The following SHC4 variants were observed in gnomAD, a reference collection of about 807,000 sequenced individuals.
The protein encoded by SHC4 is SHC adaptor protein 4.
In SHC4, 41 loss-of-function variants were observed where a neutral mutation model predicts 69.4. The ratio of observed to expected loss-of-function variants is 0.59; its 90% CI spans 0.46 to 0.77. The LOEUF is 0.77. Among genes scored for constraint, SHC4 ranks in the 30% least tolerant of loss-of-function variants. The pLI is 0.00. For missense variants in SHC4, 777 were observed against 783.8 expected (o/e 0.99, Z 0.10); for synonymous variants, 318 against 299.3 (o/e 1.06, Z -0.64).
At chr15:48,908,378 C>A (rs906744500) in intron 2 of SHC4, among the ~76,000 whole-genome samples, 3 of 152,056 alleles carry the variant, frequency 2.0e-5, no homozygotes, top group Non-Finnish European at 4.4e-5. Context: ...TGTCCTTAGC[C>A]CACTTTTTGA....
At chr15:48,846,040 C>T (rs750832868) in intron 9 of SHC4, among the ~76,000 whole-genome samples, 1 of 151,710 alleles carries the variant, frequency 6.6e-6, no homozygotes, top group African/African-American at 2.4e-5. Flanking sequence ...ACCCTGTCAC[C>T]CAGGCTTAAG....
intron 1 of SHC4, among the ~76,000 whole-genome samples, chr15:48,935,122 A>G (rs1901043015): frequency 2.0e-5 from 3 of 152,258 alleles, no homozygotes; most frequent in Admixed American, 6.5e-5. Flanking sequence ...AACAACAACA[A>G]AAGGAATCCA....
At chr15:48,946,405 G>T (rs1025764498) in intron 1 of SHC4, among the ~76,000 whole-genome samples, 1 of 152,082 alleles carries the variant, frequency 6.6e-6, no homozygotes, top group African/African-American at 2.4e-5. Flanking sequence ...CTCACTCCTT[G>T]CCAGGGCCGA....
chr15:48,851,398 T>G (rs576448322), intron 8 of SHC4, 150 bp from the exon 9 acceptor site: 1 of 736,688 alleles, frequency 1.4e-6, no homozygotes, highest in South Asian at 1.8e-5. Flanking sequence ...AAAATGGATA[T>G]TTGGGGTGAA....
chr15:48,961,767 C>T (rs1237517988), intron 1 of SHC4, among the ~76,000 whole-genome samples: 1 of 152,216 alleles, frequency 6.6e-6, no homozygotes, highest in African/African-American at 2.4e-5. Context: ...TTGCCCACAT[C>T]TTGACTGAGC....
At chr15:48,875,609 G>A (rs1430192064) in intron 4 of SHC4, among the ~76,000 whole-genome samples, 3 of 152,224 alleles carry the variant, frequency 2.0e-5, no homozygotes, top group Non-Finnish European at 4.4e-5. Flanking sequence ...TTTTGCAGGA[G>A]GATGTGAATG....
chr15:48,920,302 T>G (rs1900727627), intron 2 of SHC4, among the ~76,000 whole-genome samples: 1 of 152,080 alleles, frequency 6.6e-6, no homozygotes, highest in African/African-American at 2.4e-5. Context: ...ATTACAGGCG[T>G]GAGCCACTGC....
At chr15:48,884,876 A>C (rs528061093) in intron 3 of SHC4, among the ~76,000 whole-genome samples, 1 of 152,292 alleles carries the variant, frequency 6.6e-6, no homozygotes, top group South Asian at 2.1e-4. Flanking sequence ...TGTTACCTTC[A>C]GATAATCATG....
intron 1 of SHC4, among the ~76,000 whole-genome samples, chr15:48,931,973 T>C (rs1372247774): frequency 6.6e-6 from 1 of 152,014 alleles, no homozygotes; most frequent in Admixed American, 6.6e-5. Context: ...ACATTGATTC[T>C]GACAATTGAT....
At chr15:48,955,665 C>G (rs1018121196) in intron 1 of SHC4, among the ~76,000 whole-genome samples, 15 of 152,236 alleles carry the variant, frequency 9.9e-5, no homozygotes, top group African/African-American at 3.1e-4. Context: ...CCCTTCTATG[C>G]TCCCTCTTTT....
chr15:48,882,883 T>G (rs917359698), intron 4 of SHC4, among the ~76,000 whole-genome samples: 5 of 152,224 alleles, frequency 3.3e-5, no homozygotes, highest in Admixed American at 2.6e-4. Flanking sequence ...CACCCACATG[T>G]GTCTTCCAAG....
chr15:48,861,310 G>C (rs1475884291), intron 6 of SHC4, among the ~76,000 whole-genome samples: 1 of 152,180 alleles, frequency 6.6e-6, no homozygotes, highest in Non-Finnish European at 1.5e-5. Flanking sequence ...GTGTCTGTCT[G>C]TCTCCAGGCA....
In SHC4 at chr15:48,963,184, C is replaced by T; in HGVS notation, c.-169G>A. On this transcript the variant is annotated 5_prime_UTR_variant, in exon 1 of 12. Transcript: ENST00000332408. ...TCGGCTCCCGGCCCCTTAAGGGTGA[C>T]AGCCCATGGGGGAAACGCCTCCCCT... The T allele has an allele frequency of 1.5e-6, 1 of 657,448 alleles. No individual in the cohort carries two copies. The highest frequency in any genetic ancestry group is 2.5e-6 in the Non-Finnish European group (1 of 395,548). The allele number at this position is 657,448 out of a possible 1,614,324, so 40.7% of individuals were successfully genotyped here.
intron 9 of SHC4, among the ~76,000 whole-genome samples, chr15:48,845,833 A>G (rs1392578931): frequency 6.6e-6 from 1 of 152,162 alleles, no homozygotes; most frequent in Non-Finnish European, 1.5e-5. Flanking sequence ...CATCTACTCT[A>G]ACTTTAAATT....
chr15:48,920,299 G>C (rs943461715), intron 2 of SHC4, among the ~76,000 whole-genome samples: 1 of 152,074 alleles, frequency 6.6e-6, no homozygotes, highest in Non-Finnish European at 1.5e-5. Flanking sequence ...GGGATTACAG[G>C]CGTGAGCCAC....
At chr15:48,886,200 T>C (rs1021367136) in intron 3 of SHC4, among the ~76,000 whole-genome samples, 1 of 152,116 alleles carries the variant, frequency 6.6e-6, no homozygotes, top group Admixed American at 6.5e-5. Flanking sequence ...GAGGTCACAG[T>C]GAGCCAAGAT....
intron 2 of SHC4, among the ~76,000 whole-genome samples, chr15:48,921,327 T>C (rs1247071282): frequency 1.4e-5 from 2 of 144,560 alleles, no homozygotes; most frequent in Non-Finnish European, 3.0e-5. Flanking sequence ...AATGGGAAGT[T>C]ATCGTTTTTT....
chr15:48,939,813 A>T (rs1483960554), intron 1 of SHC4, among the ~76,000 whole-genome samples: 2 of 152,244 alleles, frequency 1.3e-5, no homozygotes, highest in East Asian at 3.8e-4. Flanking sequence ...AAGAGCAGTG[A>T]CTCACAGAAG....
At chr15:48,905,324 G>A (rs1183115477) in intron 2 of SHC4, among the ~76,000 whole-genome samples, 1 of 152,186 alleles carries the variant, frequency 6.6e-6, no homozygotes, top group Non-Finnish European at 1.5e-5. Context: ...GGATGATGGA[G>A]CCCTTGTGGT....
Sources: allele counts gnomAD v4.1 joint callset (sites outside exome capture counted in the v4.1 genomes callset), GRCh38; gene constraint gnomAD v4.1.1; transcripts MANE v1.5; gene names NCBI Gene and HGNC (gene_info 2026-07-23, HGNC 2026-07-21).